LRRC37A2: variants seen among roughly 807,000 people sequenced by gnomAD.
LRRC37A2 encodes leucine-rich repeat-containing protein 37A2.
A neutral mutation model predicts 68.8 loss-of-function variants in LRRC37A2; 9 were observed. The ratio of observed to expected loss-of-function variants is 0.13; its 90% CI spans 0.08 to 0.23. LRRC37A2 has a LOEUF of 0.23. Among genes scored for constraint, LRRC37A2 ranks in the 10% least tolerant of loss-of-function variants. LRRC37A2 has a pLI of 1.00. For synonymous variants in LRRC37A2, 63 were observed against 367.6 expected (o/e 0.17, Z 9.48); for missense variants, 168 against 950.4 (o/e 0.18, Z 10.82).
the LRRC37A2 span, among the ~76,000 whole-genome samples, chr17:47,043,371 C>T: frequency 2.7e-5 from 4 of 150,706 alleles, 1 homozygote; most frequent in Admixed American, 1.3e-4. Context: ...TGGTGGCGGG[C>T]ACCTGTAATC....
the LRRC37A2 span, among the ~76,000 whole-genome samples, chr17:46,982,897 G>A: frequency 5.3e-5 from 8 of 152,186 alleles, no homozygotes; most frequent in Non-Finnish European, 8.8e-5. Flanking sequence ...GCTTTATAGC[G>A]GAAAAAGGAG....
At chr17:46,872,380 G>T in the LRRC37A2 span, 1 of 1,315,476 alleles carries the variant, frequency 7.6e-7, no homozygotes, top group Non-Finnish European at 9.9e-7. Context: ...TCTGTAAAAT[G>T]GGGACGGGAC....
chr17:46,896,234 C>T, the LRRC37A2 span, among the ~76,000 whole-genome samples: 6 of 150,586 alleles, frequency 4.0e-5, no homozygotes, highest in Admixed American at 6.6e-5. Flanking sequence ...ACGGAGGTTG[C>T]GGTGAACCAA....
the LRRC37A2 span, among the ~76,000 whole-genome samples, chr17:46,759,851 A>C: frequency 0.24 from 37,133 of 152,042 alleles, 5,329 homozygotes; most frequent in African/African-American, 0.38. Flanking sequence ...GATATCTTCT[A>C]ATTATGTCGT....
At chr17:46,810,974 A>G in the LRRC37A2 span, among the ~76,000 whole-genome samples, 2 of 152,016 alleles carry the variant, frequency 1.3e-5, no homozygotes, top group Admixed American at 6.6e-5. Context: ...CCCTAGATGT[A>G]TGGGTGTGCC....
chr17:46,796,767 G>C, the LRRC37A2 span, among the ~76,000 whole-genome samples: 255 of 152,374 alleles, frequency 1.7e-3, 1 homozygote, highest in African/African-American at 6.0e-3. Flanking sequence ...CTGCATAGGA[G>C]AGGGGGCTCA....
the LRRC37A2 span, chr17:46,749,841 C>T: frequency 1.9e-6 from 3 of 1,614,152 alleles, no homozygotes; most frequent in South Asian, 1.1e-5. Context: ...AAATGCTTAA[C>T]GCTTTCAGCA....
chr17:46,778,030 G>A, the LRRC37A2 span, among the ~76,000 whole-genome samples: 10 of 152,126 alleles, frequency 6.6e-5, no homozygotes, highest in Non-Finnish European at 1.3e-4. Flanking sequence ...TTTCTTTATC[G>A]GTAAAATAGA....
the LRRC37A2 span, among the ~76,000 whole-genome samples, chr17:46,946,045 C>G: frequency 6.6e-6 from 1 of 152,102 alleles, no homozygotes; most frequent in African/African-American, 2.4e-5. Context: ...GGCGGGGCCT[C>G]CAGGGCTGAA....
the LRRC37A2 span, among the ~76,000 whole-genome samples, chr17:46,720,646 A>G: frequency 2.0e-5 from 3 of 152,226 alleles, no homozygotes; most frequent in East Asian, 5.8e-4. Flanking sequence ...GCTACCAAAT[A>G]TGATTAGAGT....
At chr17:46,759,908 AAG>A in the LRRC37A2 span, among the ~76,000 whole-genome samples, 5 of 152,196 alleles carry the variant, frequency 3.3e-5, no homozygotes, top group African/African-American at 1.2e-4. Context: ...AGACGTTTGT[AAG>A]TACTTATACA....
At chr17:46,895,333 C>T in the LRRC37A2 span, among the ~76,000 whole-genome samples, 1 of 152,230 alleles carries the variant, frequency 6.6e-6, no homozygotes, top group African/African-American at 2.4e-5. Flanking sequence ...TAGCCGCAGC[C>T]CAAGGCTTAA....
At chr17:46,799,560 A>G in the LRRC37A2 span, among the ~76,000 whole-genome samples, 1 of 149,604 alleles carries the variant, frequency 6.7e-6, no homozygotes, top group African/African-American at 2.5e-5. Flanking sequence ...CGATTCTCCC[A>G]TCTCAGCCTC....
the LRRC37A2 span, among the ~76,000 whole-genome samples, chr17:46,997,779 G>A: frequency 6.6e-6 from 1 of 152,168 alleles, no homozygotes; most frequent in Admixed American, 6.5e-5. Flanking sequence ...AGACCAGCCT[G>A]GCCCAGATGG....
At chr17:46,807,325 A>C in the LRRC37A2 span, among the ~76,000 whole-genome samples, 1 of 152,198 alleles carries the variant, frequency 6.6e-6, no homozygotes, top group Non-Finnish European at 1.5e-5. Context: ...TCTACTGAAA[A>C]TACAAAATTA....
the LRRC37A2 span, among the ~76,000 whole-genome samples, chr17:47,009,063 G>C: frequency 6.6e-6 from 1 of 151,182 alleles, no homozygotes; most frequent in Non-Finnish European, 1.5e-5. Context: ...AACCTGGGAG[G>C]CAGAGGCTGC....
the LRRC37A2 span, among the ~76,000 whole-genome samples, chr17:46,900,162 C>CATACATATATATATAT: frequency 9.9e-6 from 1 of 101,154 alleles, no homozygotes; most frequent in Non-Finnish European, 1.8e-5. Flanking sequence ...TATATATATA[C>CATACATATATATATAT]ATATACATAT....
At chr17:46,558,505 G>A (rs1378277592), downstream of LRRC37A2, among the ~76,000 whole-genome samples, 1 of 122,174 alleles carries the variant, frequency 8.2e-6, no homozygotes, top group East Asian at 2.7e-4. Context: ...TCCTGCCTCA[G>A]CCTCCCGAAT....
chr17:46,787,686 G>A, the LRRC37A2 span, among the ~76,000 whole-genome samples: 3 of 152,244 alleles, frequency 2.0e-5, no homozygotes, highest in African/African-American at 7.2e-5. Context: ...GGGCGCGGTG[G>A]CTCACGCCTG....
Sources: allele counts gnomAD v4.1 joint callset (sites outside exome capture counted in the v4.1 genomes callset), GRCh38; gene constraint gnomAD v4.1.1; transcripts MANE v1.5; gene names NCBI Gene and HGNC (gene_info 2026-07-23, HGNC 2026-07-21).